Variants in EYS observed in about 807,000 individuals in gnomAD.
EYS encodes the protein EGF-like photoreceptor maintenance factor.
Under a neutral mutation model 282.1 loss-of-function variants are expected in EYS, and 250 were observed. The observed-to-expected ratio is 0.89, with a 90% CI of 0.80 to 0.98. EYS has a LOEUF of 0.98. EYS is among the 50% of genes least tolerant of loss of function. EYS has a pLI of 0.00. For missense variants in EYS, 4,016 were observed against 3,709.0 expected (o/e 1.08, Z -2.15); for synonymous variants, 1,355 against 1,282.9 (o/e 1.06, Z -1.20).
At chr6:65,211,547 A>G (rs1391547542) in intron 12 of EYS, among the ~76,000 whole-genome samples, 1 of 152,072 alleles carries the variant, frequency 6.6e-6, no homozygotes, top group East Asian at 1.9e-4. Flanking sequence ...ACTCTGAGGT[A>G]TAAGATATAG....
intron 35 of EYS, among the ~76,000 whole-genome samples, chr6:63,967,836 G>A (rs181361065): frequency 6.6e-6 from 1 of 152,262 alleles, no homozygotes; most frequent in East Asian, 1.9e-4. Context: ...TCCCATACAT[G>A]CAGTTCTATG....
At chr6:64,923,754 A>G (rs368173264) in intron 15 of EYS, among the ~76,000 whole-genome samples, 28 of 152,322 alleles carry the variant, frequency 1.8e-4, no homozygotes, top group African/African-American at 5.8e-4. Context: ...GAGGCAATCA[A>G]ATTTTAAAGC....
At chr6:64,139,233 A>G (rs1441736797) in intron 31 of EYS, among the ~76,000 whole-genome samples, 2 of 152,196 alleles carry the variant, frequency 1.3e-5, no homozygotes, top group Non-Finnish European at 2.9e-5. Flanking sequence ...TCCTGAATTC[A>G]TGTTCACCCA....
intron 5 of EYS, among the ~76,000 whole-genome samples, chr6:65,424,072 A>C (rs577323230): frequency 2.6e-5 from 4 of 151,962 alleles, no homozygotes; most frequent in Admixed American, 6.6e-5. Context: ...AGGTGTAATG[A>C]ATTTAACGTG....
intron 37 of EYS, among the ~76,000 whole-genome samples, chr6:63,800,209 C>T (rs915644090): frequency 6.6e-6 from 1 of 152,166 alleles, no homozygotes; most frequent in South Asian, 2.1e-4. Flanking sequence ...ATTCCAGATA[C>T]GTATTAGACA....
intron 31 of EYS, among the ~76,000 whole-genome samples, chr6:64,082,476 T>A (rs1772005934): frequency 6.6e-6 from 1 of 152,128 alleles, no homozygotes. Context: ...GTCAATGGAG[T>A]ATCCATCACC....
intron 34 of EYS, among the ~76,000 whole-genome samples, chr6:63,985,990 T>C (rs904328732): frequency 6.6e-6 from 1 of 151,558 alleles, no homozygotes; most frequent in Non-Finnish European, 1.5e-5. Flanking sequence ...AAATAGACAA[T>C]CTAAATAATG....
intron 12 of EYS, among the ~76,000 whole-genome samples, chr6:65,232,964 C>T (rs1766822781): frequency 6.6e-6 from 1 of 152,056 alleles, no homozygotes; most frequent in African/African-American, 2.4e-5. Flanking sequence ...TGTGTCAGTA[C>T]TATTAGTCTG....
At chr6:63,913,149 C>T (rs1378653950) in intron 35 of EYS, among the ~76,000 whole-genome samples, 2 of 152,074 alleles carry the variant, frequency 1.3e-5, no homozygotes, top group Non-Finnish European at 2.9e-5. Flanking sequence ...CTAAAGGGAG[C>T]CAGAAAGCAA....
intron 2 of EYS, among the ~76,000 whole-genome samples, chr6:65,523,430 G>A (rs1000822863): frequency 6.6e-6 from 1 of 152,100 alleles, no homozygotes; most frequent in Non-Finnish European, 1.5e-5. Flanking sequence ...GCCAGACACA[G>A]AGAGAAAAAT....
chr6:65,454,782 T>C (rs916342098), intron 5 of EYS, among the ~76,000 whole-genome samples: 1 of 152,116 alleles, frequency 6.6e-6, no homozygotes, highest in Non-Finnish European at 1.5e-5. Flanking sequence ...CAATGTGTGT[T>C]CTTCTTACCT....
chr6:65,349,282 T>C (rs1002809843), intron 9 of EYS, among the ~76,000 whole-genome samples: 11 of 151,586 alleles, frequency 7.3e-5, no homozygotes, highest in Non-Finnish European at 1.3e-4. Context: ...GCTCATTCTA[T>C]ACACCACTTG....
intron 22 of EYS, among the ~76,000 whole-genome samples, chr6:64,730,110 A>T (rs1231683076): frequency 6.6e-6 from 1 of 152,162 alleles, no homozygotes; most frequent in Non-Finnish European, 1.5e-5. Context: ...TTTTTTCTTT[A>T]AAGGAATAAA....
At chr6:65,591,751 CT>C (rs1765242027) in intron 2 of EYS, among the ~76,000 whole-genome samples, 1 of 151,992 alleles carries the variant, frequency 6.6e-6, no homozygotes, top group Non-Finnish European at 1.5e-5. Context: ...CTTGACATGC[CT>C]TTGCGTTGGA....
At chr6:63,842,437 A>C (rs556989481) in intron 36 of EYS, among the ~76,000 whole-genome samples, 1 of 151,688 alleles carries the variant, frequency 6.6e-6, no homozygotes, top group Admixed American at 6.6e-5. Context: ...CATATCCTTC[A>C]CCCACTTTTT....
At chr6:65,527,814 A>G (rs1380471333) in intron 2 of EYS, among the ~76,000 whole-genome samples, 1 of 150,492 alleles carries the variant, frequency 6.6e-6, no homozygotes, top group Non-Finnish European at 1.5e-5. Context: ...TTTTCCACAC[A>G]TGGGACCTCC....
chr6:65,349,911 T>G (rs1013730012), intron 9 of EYS, among the ~76,000 whole-genome samples: 1 of 151,602 alleles, frequency 6.6e-6, no homozygotes, highest in Non-Finnish European at 1.5e-5. Context: ...AGAAGTTGCA[T>G]GTTTTTGTTA....
intron 12 of EYS, among the ~76,000 whole-genome samples, chr6:65,163,110 A>T (rs1261826006): frequency 6.6e-6 from 1 of 151,208 alleles, no homozygotes; most frequent in African/African-American, 2.4e-5. Context: ...CCATGTCCCA[A>T]ATCTGATTTT....
chr6:64,775,494 A>G (rs1225081157), intron 22 of EYS, among the ~76,000 whole-genome samples: 2 of 152,050 alleles, frequency 1.3e-5, no homozygotes, highest in East Asian at 3.9e-4. Context: ...ACGGGCATAA[A>G]AATGTATGTA....
Sources: gnomAD v4.1 joint callset for allele counts (sites outside exome capture counted in the v4.1 genomes callset) on GRCh38, gnomAD v4.1.1 for gene constraint, MANE v1.5 for transcripts, NCBI Gene and HGNC (gene_info 2026-07-23, HGNC 2026-07-21) for gene names.